Variants in KLF12 observed in about 807,000 individuals in gnomAD.
KLF12 encodes the protein Krueppel-like factor 12.
Under a neutral mutation model 37.8 loss-of-function variants are expected in KLF12, and 9 were observed. The observed-to-expected ratio is 0.24, with a 90% confidence interval of 0.14 to 0.42. The LOEUF is 0.42. KLF12 is among the 10% of genes least tolerant of loss of function. KLF12 has a pLI of 1.00. For synonymous variants in KLF12, 208 were observed against 202.1 expected (o/e 1.03, Z -0.25); for missense variants, 411 against 516.0 (o/e 0.80, Z 1.97).
intron 5 of KLF12, among the ~76,000 whole-genome samples, chr13:73,797,835 G>A (rs984616928): frequency 5.4e-5 from 8 of 148,072 alleles, no homozygotes; most frequent in East Asian, 4.0e-4. Flanking sequence ...TATTGTTATC[G>A]TTACTTGCTC....
chr13:74,171,297 C>T, the KLF12 span, among the ~76,000 whole-genome samples: 1 of 152,170 alleles, frequency 6.6e-6, no homozygotes, highest in Non-Finnish European at 1.5e-5. Flanking sequence ...CCACTATCTT[C>T]TTGAGGGTCC....
chr13:73,932,928 T>C (rs1363623493), intron 3 of KLF12, among the ~76,000 whole-genome samples: 1 of 152,138 alleles, frequency 6.6e-6, no homozygotes, highest in Non-Finnish European at 1.5e-5. Context: ...TCAGATCATG[T>C]CCAATGTGAT....
chr13:73,793,159 C>T (rs1306835673), intron 5 of KLF12, among the ~76,000 whole-genome samples: 2 of 152,190 alleles, frequency 1.3e-5, no homozygotes, highest in Non-Finnish European at 2.9e-5. Flanking sequence ...GGTTTTATTA[C>T]ATTACAGGCA....
At chr13:74,234,363 G>A in the KLF12 span, among the ~76,000 whole-genome samples, 4 of 152,104 alleles carry the variant, frequency 2.6e-5, no homozygotes, top group African/African-American at 9.7e-5. Context: ...ACTCTAACTT[G>A]CAAAAACTGT....
chr13:73,745,649 A>G (rs1025052416), intron 6 of KLF12, among the ~76,000 whole-genome samples: 4 of 152,190 alleles, frequency 2.6e-5, no homozygotes, highest in African/African-American at 9.6e-5. Context: ...CTTTGTTAAC[A>G]CTTGTCATTG....
intron 5 of KLF12, among the ~76,000 whole-genome samples, chr13:73,796,815 T>A (rs1478554669): frequency 3.3e-5 from 5 of 152,100 alleles, no homozygotes; most frequent in African/African-American, 7.2e-5. Flanking sequence ...ACAATCCAAA[T>A]GTCCATCAAG....
chr13:74,087,304 T>C (rs9600224), intron 1 of KLF12, among the ~76,000 whole-genome samples: 35,399 of 151,992 alleles, frequency 0.23, 4,862 homozygotes, highest in Middle Eastern at 0.34. Context: ...AGAAGTTATA[T>C]AGGTCAGAGA....
At chr13:73,911,835 T>C (rs1888583072) in intron 3 of KLF12, among the ~76,000 whole-genome samples, 1 of 152,240 alleles carries the variant, frequency 6.6e-6, no homozygotes, top group Non-Finnish European at 1.5e-5. Context: ...TACGTCTTTA[T>C]TCCAAAGCAA....
At chr13:74,188,841 C>T in the KLF12 span, among the ~76,000 whole-genome samples, 2 of 151,838 alleles carry the variant, frequency 1.3e-5, no homozygotes, top group African/African-American at 2.4e-5. Context: ...ACTAAAAATG[C>T]AAAAAATTAG....
intron 3 of KLF12, among the ~76,000 whole-genome samples, chr13:73,880,864 A>C (rs1886946724): frequency 6.6e-6 from 1 of 152,244 alleles, no homozygotes; most frequent in African/African-American, 2.4e-5. Context: ...CTTAAAGAAA[A>C]AAACTATCAA....
chr13:73,846,062 T>C lies in KLF12; in HGVS notation c.435A>G (p.Pro145=). 1 of 1,613,392 alleles carries C rather than the reference T, an allele frequency of 6.2e-7. No individual in the cohort carries two copies. The highest frequency in any genetic ancestry group is 8.5e-7 in the Non-Finnish European group (1 of 1,179,436). The change falls in exon 4 of 8, where the codon CCA becomes CCG. Residue 145 remains proline, a synonymous_variant. Coordinates refer to ENST00000377669, the MANE Select transcript of KLF12 (RefSeq NM_007249.5). ...CAGATGCAGAGGCCACAAGGGGCCCTGGAGTTAATACTGTTGACGAAGATG... is the reference window on the plus strand; with the variant it reads ...CAGATGCAGAGGCCACAAGGGGCCCCGGAGTTAATACTGTTGACGAAGATG...
the KLF12 span, among the ~76,000 whole-genome samples, chr13:74,296,059 T>C: frequency 6.6e-6 from 1 of 151,902 alleles, no homozygotes; most frequent in East Asian, 1.9e-4. Flanking sequence ...GCTCGGGTGA[T>C]CCACCCACCT....
intron 1 of KLF12, among the ~76,000 whole-genome samples, chr13:74,092,626 C>CA (rs1448991461): frequency 6.8e-6 from 1 of 147,374 alleles, no homozygotes; most frequent in Non-Finnish European, 1.5e-5. Flanking sequence ...ACTCAAAAAA[C>CA]AAAAAAACAA....
At chr13:74,095,121 ACT>A (rs1467506468) in intron 1 of KLF12, among the ~76,000 whole-genome samples, 1 of 152,126 alleles carries the variant, frequency 6.6e-6, no homozygotes, top group Non-Finnish European at 1.5e-5. Flanking sequence ...CATTTTATGG[ACT>A]CTGATCATAT....
chr13:74,193,532 A>G, the KLF12 span, among the ~76,000 whole-genome samples: 15 of 152,332 alleles, frequency 9.8e-5, no homozygotes, highest in African/African-American at 3.6e-4. Flanking sequence ...CAAACTGGTT[A>G]CTGCCAAAGT....
At chr13:73,765,739 C>T (rs1188675059) in intron 5 of KLF12, among the ~76,000 whole-genome samples, 2 of 152,132 alleles carry the variant, frequency 1.3e-5, no homozygotes, top group African/African-American at 4.8e-5. Context: ...CTTTGTGGGT[C>T]ACTAACCGGC....
intron 1 of KLF12, among the ~76,000 whole-genome samples, chr13:74,114,393 A>G (rs1877162872): frequency 6.6e-6 from 1 of 152,210 alleles, no homozygotes; most frequent in Admixed American, 6.5e-5. Context: ...TAATGTAAAC[A>G]TAACTATTAT....
chr13:74,272,032 G>GT, the KLF12 span, among the ~76,000 whole-genome samples: 405 of 152,322 alleles, frequency 2.7e-3, no homozygotes, highest in African/African-American at 9.2e-3. Flanking sequence ...CTGCAAGGGA[G>GT]TCTGATAACA....
intron 1 of KLF12, among the ~76,000 whole-genome samples, chr13:74,005,878 T>C (rs543969324): frequency 2.2e-4 from 34 of 152,340 alleles, no homozygotes; most frequent in African/African-American, 7.0e-4. Flanking sequence ...CATGCTTCAG[T>C]CTTCAGCTTC....
Sources: allele counts gnomAD v4.1 joint callset (sites outside exome capture counted in the v4.1 genomes callset), GRCh38; gene constraint gnomAD v4.1.1; transcripts MANE v1.5; gene names NCBI Gene and HGNC (gene_info 2026-07-23, HGNC 2026-07-21).